Variants in MTHFD1 observed in about 807,000 individuals in gnomAD.
MTHFD1 encodes the protein methylenetetrahydrofolate dehydrogenase, cyclohydrolase and formyltetrahydrofolate synthetase 1, also known as C-1-tetrahydrofolate synthase, cytoplasmic.
MTHFD1 carries 44 observed loss-of-function variants against 110.3 expected under a neutral mutation model. That is an observed-to-expected ratio of 0.40 (90% confidence interval 0.31 to 0.51). The LOEUF is 0.51. Among genes scored for constraint, MTHFD1 ranks in the 20% least tolerant of loss-of-function variants. MTHFD1 has a pLI of 0.60. For synonymous variants in MTHFD1, 402 were observed against 428.8 expected, an observed-to-expected ratio of 0.94 and a Z score of 0.77; for missense variants, 909 against 1,173.1, an observed-to-expected ratio of 0.77 and a Z score of 3.29.
Position 64,444,696 on chromosome 14 carries a change from A to T in MTHFD1, c.2140A>T (p.Thr714Ser). ...ACTCTGTTTCTTTTCCTTCCAGGTCACTGCTGGACTGCCTCTTCCCAAGGC... is the reference window on the plus strand; with the variant it reads ...ACTCTGTTTCTTTTCCTTCCAGGTCTCTGCTGGACTGCCTCTTCCCAAGGC... ...LKMHGGGPTV[T>S]AGLPLPKAYI... Residue 714 changes from threonine (T) to serine (S), a missense_variant, in exon 22 of 28, where the codon ACT (threonine) becomes TCT (serine). This residue lies in a region of MTHFD1 where 482 missense variants were observed against 646.0 expected (regional missense o/e 0.75). Coordinates refer to ENST00000652337, the MANE Select transcript of MTHFD1 (RefSeq NM_005956.4). The T allele has an allele frequency of 6.2e-7, 1 of 1,614,100 alleles. No homozygotes were observed. The highest frequency in any genetic ancestry group is 8.5e-7 in the Non-Finnish European group (1 of 1,179,984).
intron 15 of MTHFD1, among the ~76,000 whole-genome samples, chr14:64,434,821 G>GTTTTTTTT (rs34280342): frequency 7.8e-6 from 1 of 129,006 alleles, no homozygotes. Context: ...GATGAATTCT[G>GTTTTTTTT]TTTTTTTTTT....
chr14:64,456,917 AT>A (rs2078483718), intron 26 of MTHFD1, among the ~76,000 whole-genome samples: 1 of 152,160 alleles, frequency 6.6e-6, no homozygotes, highest in African/African-American at 2.4e-5. Context: ...TCTAGATTTG[AT>A]TTGGAACTTG....
At chr14:64,436,657 A>AT (rs2078208296) in intron 16 of MTHFD1, among the ~76,000 whole-genome samples, 1 of 152,082 alleles carries the variant, frequency 6.6e-6, no homozygotes, top group African/African-American at 2.4e-5. Flanking sequence ...TGTTTTTGTG[A>AT]TTTTCCTTGA....
chr14:64,451,995 T>C (rs2078380118), intron 24 of MTHFD1, among the ~76,000 whole-genome samples: 1 of 152,224 alleles, frequency 6.6e-6, no homozygotes. Flanking sequence ...AGATTATTGC[T>C]CCTTTTAAAA....
At chr14:64,414,796 TCTC>T (rs1281711680) in intron 4 of MTHFD1, among the ~76,000 whole-genome samples, 2 of 151,604 alleles carry the variant, frequency 1.3e-5, no homozygotes, top group East Asian at 3.9e-4. Context: ...TTCAAGCAAT[TCTC>T]CTGCCTCAGC....
chr14:64,442,540 A>G lies in MTHFD1; in HGVS notation c.2136+138A>G, dbSNP rs1048431484. On this transcript the variant is annotated intron_variant, in intron 21 of 27. Coordinates refer to ENST00000652337, the MANE Select transcript of MTHFD1 (RefSeq NM_005956.4). ...GGCAGCAAAAGCAAGGGACGGGCAG[A>G]CAGCCCTTGTGTTGGCTGCCTTATC... 1.6e-5 allele frequency: 15 copies of G among 916,160 alleles called. No individual in the cohort carries two copies. The African/African-American group carries it at 1.9e-4, about 12-fold the overall frequency. The allele number at this position is 916,160 out of a possible 1,614,324, so 56.8% of individuals were successfully genotyped here.
chr14:64,440,304 G>T (rs765780763), intron 18 of MTHFD1, 38 bp downstream of exon 18: 2 of 1,613,788 alleles, frequency 1.2e-6, no homozygotes, highest in Non-Finnish European at 1.7e-6. Context: ...CGACATATCT[G>T]TGTCTGTTGT....
At chr14:64,388,538 G>T in intron 1 of MTHFD1, 70 bp downstream of exon 1, 1 of 1,469,178 alleles carries the variant, frequency 6.8e-7, no homozygotes, top group Non-Finnish European at 9.5e-7. Flanking sequence ...AGGTCCCCCG[G>T]ACCCATTTTT....
chr14:64,418,419 C>A (rs1236134586), intron 7 of MTHFD1, among the ~76,000 whole-genome samples: 2 of 143,950 alleles, frequency 1.4e-5, no homozygotes, highest in African/African-American at 2.6e-5. Context: ...CCACTGCACT[C>A]CAGCCTGGGC....
intron 24 of MTHFD1, among the ~76,000 whole-genome samples, chr14:64,449,916 G>A (rs2078343281): frequency 6.6e-6 from 1 of 152,218 alleles, no homozygotes; most frequent in Admixed American, 6.5e-5. Context: ...AGCTTCCCAA[G>A]TAGCTGGGAT....
intron 12 of MTHFD1, among the ~76,000 whole-genome samples, chr14:64,428,877 T>G (rs1226120677): frequency 6.6e-6 from 1 of 152,116 alleles, no homozygotes; most frequent in Non-Finnish European, 1.5e-5. Context: ...TTTATAAATG[T>G]AATCACTTTG....
At chr14:64,456,019 G>A (rs1461206931) in intron 26 of MTHFD1, among the ~76,000 whole-genome samples, 2 of 152,220 alleles carry the variant, frequency 1.3e-5, no homozygotes, top group African/African-American at 2.4e-5. Context: ...CTTGAATAGT[G>A]CAGAAATATG....
intron 2 of MTHFD1, among the ~76,000 whole-genome samples, chr14:64,404,008 C>T (rs759310276): frequency 6.6e-6 from 1 of 152,180 alleles, no homozygotes; most frequent in Admixed American, 6.5e-5. Context: ...AGTAGTCTTA[C>T]ACACCATTGC....
rs767747603 is a variant in MTHFD1 at position 64,431,520 on chromosome 14, G to A, written c.1312-12G>A. 8.1e-6 allele frequency: 13 copies of A among 1,606,682 alleles called. No homozygotes were observed. Among genetic ancestry groups the A allele is most frequent in the Admixed American group, 3.3e-5 (2 of 59,978 alleles). The stretch of plus-strand genomic sequence containing the variant: ...CAGCTGGGAGACTAATGTGGCTTCT[G>A]TTCTTTTGTAGTTTAATCTCCACCT... On this transcript the variant is annotated splice_polypyrimidine_tract_variant and intron_variant, in intron 13 of 27. Transcript: ENST00000652337.
chr14:64,433,713 C>CTT lies in MTHFD1; in HGVS notation c.1494+1852_1494+1853insTT, dbSNP rs1270622250. ...TACTTGCATGAACCACTGAGCTCAGCATTTTTTTTTTTTTTTTTTTTTTAA... is the reference window on the plus strand; with the variant it reads ...TACTTGCATGAACCACTGAGCTCAGCTTATTTTTTTTTTTTTTTTTTTTTTAA... On this transcript the variant is annotated intron_variant, in intron 15 of 27. Coordinates refer to ENST00000652337, the MANE Select transcript of MTHFD1 (RefSeq NM_005956.4). 8.9e-4 allele frequency among the ~76,000 whole-genome samples: 119 copies of CTT among 133,228 alleles called. 2 individuals carry two copies. The highest frequency in any genetic ancestry group is 2.8e-3 in the African/African-American group (96 of 34,074). The allele number at this position is 133,228 out of a possible 152,430, so 87.4% of individuals were successfully genotyped here.
intron 1 of MTHFD1, among the ~76,000 whole-genome samples, chr14:64,393,541 G>A (rs898098460): frequency 1.3e-5 from 2 of 152,230 alleles, no homozygotes; most frequent in Non-Finnish European, 2.9e-5. Flanking sequence ...GTTCCAGAGA[G>A]GCTGGGACCT....
intron 2 of MTHFD1, among the ~76,000 whole-genome samples, chr14:64,405,743 G>A (rs2077931102): frequency 6.6e-6 from 1 of 152,106 alleles, no homozygotes; most frequent in African/African-American, 2.4e-5. Context: ...TATACCTCCT[G>A]TCTGTCCTCC....
chr14:64,417,866 T>C lies in MTHFD1; in HGVS notation c.479-22T>C, dbSNP rs201066147. The C allele has an allele frequency of 1.5e-3, 2,395 of 1,612,190 alleles. 33 individuals are homozygous for C. The South Asian group carries it at 0.019, about 13-fold the overall frequency. On this transcript the variant is annotated intron_variant, in intron 6 of 27. Transcript: ENST00000652337. This position sits in a 1 kb window ranked among gnomAD's most constrained non-coding sequence, Gnocchi z 4.4. ...GGCAGCTTCTATCCTCCAACTCTGATGCAGGCTGGCTTTTCTTTCAGGGGT... is the reference window on the plus strand; with the variant it reads ...GGCAGCTTCTATCCTCCAACTCTGACGCAGGCTGGCTTTTCTTTCAGGGGT...
chr14:64,453,905 G>A, intron 25 of MTHFD1, 44 bp downstream of exon 25: 1 of 1,248,226 alleles, frequency 8.0e-7, no homozygotes, highest in Non-Finnish European at 1.2e-6. Flanking sequence ...TTGCAAAGCA[G>A]GACTTGGAGT....
Sources: allele counts gnomAD v4.1 joint callset (sites outside exome capture counted in the v4.1 genomes callset), GRCh38; gene constraint gnomAD v4.1.1; regional missense constraint gnomAD v4.1.1; non-coding constraint Gnocchi (gnomAD v3.1); transcripts MANE v1.5; gene names NCBI Gene and HGNC (gene_info 2026-07-23, HGNC 2026-07-21).